The following UTRN variants were observed in gnomAD, a reference collection of about 807,000 sequenced individuals.
UTRN encodes the protein dystrophin-related protein 1.
UTRN carries 283 observed loss-of-function variants against 463.9 expected under a neutral mutation model. That is an observed-to-expected ratio of 0.61 (90% confidence interval 0.55 to 0.67). The LOEUF (loss-of-function observed/expected upper bound fraction) is 0.67. Among genes scored for constraint, UTRN ranks in the 30% least tolerant of loss-of-function variants. The pLI is 0.00. For missense variants in UTRN, 3,922 were observed against 4,084.3 expected (o/e 0.96, Z 1.08); for synonymous variants, 1,442 against 1,431.5 (o/e 1.01, Z -0.17).
rs199717842 is a variant in UTRN at position 144,624,092 on chromosome 6, G to A, written c.7479+46804G>A. On this transcript the variant is annotated intron_variant, in intron 51 of 74. Transcript: ENST00000367545. ...TGGGAAAGAAAGAAAATGACATTGA[G>A]GGCAGAGGGGACAGCTTGATTAGTG... is the stretch of plus-strand genomic sequence containing the variant. Among the ~76,000 whole-genome samples the A allele has an allele frequency of 3.7e-3, 564 of 152,260 alleles. 5 individuals carry two copies. Among genetic ancestry groups the A allele is most frequent in the African/African-American group, 0.013 (542 of 41,536 alleles).
At chr6:144,452,480 TGA>T (rs545510323) in intron 18 of UTRN, among the ~76,000 whole-genome samples, 175 of 152,272 alleles carry the variant, frequency 1.1e-3, no homozygotes, top group Admixed American at 3.5e-3. Context: ...GATGGAGGAA[TGA>T]GAGAAAATTC....
At chr6:144,291,552 T>C (rs1473556585) in intron 1 of UTRN, among the ~76,000 whole-genome samples, 185 bp from the exon 2 acceptor site, 1 of 152,234 alleles carries the variant, frequency 6.6e-6, no homozygotes, top group African/African-American at 2.4e-5. Flanking sequence ...TTGCTTAGTG[T>C]GCATAAGCGC....
At chr6:144,642,360 A>T (rs1777858030) in intron 51 of UTRN, among the ~76,000 whole-genome samples, 1 of 152,018 alleles carries the variant, frequency 6.6e-6, no homozygotes, top group African/African-American at 2.4e-5. Context: ...TGATAATCTG[A>T]TTTCATTGTC....
chr6:144,527,556 G>A (rs1796673465), intron 41 of UTRN, among the ~76,000 whole-genome samples: 2 of 152,284 alleles, frequency 1.3e-5, no homozygotes, highest in Middle Eastern at 3.4e-3. Context: ...AGCAAAGCCG[G>A]GAGGTTTTCC....
intron 65 of UTRN, among the ~76,000 whole-genome samples, chr6:144,815,864 A>T (rs889455952): frequency 6.6e-5 from 10 of 152,236 alleles, no homozygotes; most frequent in Non-Finnish European, 1.5e-5. Context: ...AATCAAGTTG[A>T]CAGTATTAAC....
At chr6:144,765,701 G>C (rs1326027547) in intron 58 of UTRN, among the ~76,000 whole-genome samples, 3 of 152,228 alleles carry the variant, frequency 2.0e-5, no homozygotes, top group Non-Finnish European at 4.4e-5. Context: ...ATGAGCCACT[G>C]TGCCCAGCTT....
At chr6:144,671,705 G>C (rs1180565989) in intron 51 of UTRN, among the ~76,000 whole-genome samples, 1 of 152,102 alleles carries the variant, frequency 6.6e-6, no homozygotes, top group South Asian at 2.1e-4. Flanking sequence ...TTGAATAGAA[G>C]TGATGAAAGT....
intron 61 of UTRN, among the ~76,000 whole-genome samples, chr6:144,782,780 AC>A (rs1775958623): frequency 6.6e-6 from 1 of 152,174 alleles, no homozygotes; most frequent in African/African-American, 2.4e-5. Flanking sequence ...CCTTTTGAAT[AC>A]GACAGTACAT....
At chr6:144,447,564 G>A (rs771517668) in intron 15 of UTRN, 38 bp from the exon 16 acceptor site, 1 of 1,604,392 alleles carries the variant, frequency 6.2e-7, no homozygotes, top group African/African-American at 1.3e-5. Context: ...ACAAAGTCCT[G>A]TTAAAAAGAG....
At chr6:144,548,420 T>C (rs890110409) in intron 46 of UTRN, among the ~76,000 whole-genome samples, 1 of 152,222 alleles carries the variant, frequency 6.6e-6, no homozygotes, top group Admixed American at 6.5e-5. Context: ...GATTATGTTA[T>C]AGAATGTTGC....
At chr6:144,446,342 C>G (rs1425238807) in intron 14 of UTRN, among the ~76,000 whole-genome samples, 1 of 152,138 alleles carries the variant, frequency 6.6e-6, no homozygotes, top group Non-Finnish European at 1.5e-5. Flanking sequence ...ACCAGCCTCA[C>G]TAGACTGAGG....
chr6:144,763,900 G>A (rs773771398), intron 58 of UTRN, among the ~76,000 whole-genome samples: 1 of 152,142 alleles, frequency 6.6e-6, no homozygotes, highest in African/African-American at 2.4e-5. Context: ...CCTCTTTCGT[G>A]AAGATGAGGG....
intron 54 of UTRN, among the ~76,000 whole-genome samples, chr6:144,744,355 T>TAA: frequency 7.0e-6 from 1 of 143,788 alleles, no homozygotes; most frequent in Admixed American, 7.1e-5. Context: ...TGTGTGTGTA[T>TAA]AAAATTTTTA....
chr6:144,821,990 C>T (rs1779646076), intron 66 of UTRN, among the ~76,000 whole-genome samples: 2 of 151,900 alleles, frequency 1.3e-5, no homozygotes, highest in Non-Finnish European at 2.9e-5. Flanking sequence ...AAGTTTTCTA[C>T]TTTATAAAAA....
chr6:144,791,383 A>G (rs772149282), intron 62 of UTRN, among the ~76,000 whole-genome samples: 48 of 152,108 alleles, frequency 3.2e-4, no homozygotes, highest in Non-Finnish European at 5.4e-4. Flanking sequence ...CTTTATGCTT[A>G]TAGCTGGCTA....
At chr6:144,730,578 G>A (rs762328001) in intron 54 of UTRN, 92 bp downstream of exon 54, 3 of 1,334,732 alleles carry the variant, frequency 2.2e-6, no homozygotes, top group Non-Finnish European at 2.9e-6. Flanking sequence ...CAGCATTTTA[G>A]GATCTAATAT....
intron 34 of UTRN, among the ~76,000 whole-genome samples, chr6:144,501,979 A>T (rs985734623): frequency 6.6e-6 from 1 of 152,062 alleles, no homozygotes; most frequent in African/African-American, 2.4e-5. Flanking sequence ...ACCATTTTTT[A>T]TCACCAAATT....
intron 60 of UTRN, among the ~76,000 whole-genome samples, chr6:144,775,113 A>G (rs1037897706): frequency 2.0e-5 from 3 of 152,178 alleles, no homozygotes; most frequent in African/African-American, 7.2e-5. Context: ...AGTTTCAAGT[A>G]TTCTTCTTTG....
intron 2 of UTRN, among the ~76,000 whole-genome samples, chr6:144,343,187 A>G (rs1777277386): frequency 6.6e-6 from 1 of 152,154 alleles, no homozygotes; most frequent in African/African-American, 2.4e-5. Flanking sequence ...TAATAAGTAG[A>G]AGATTTCTAT....
Sources: gnomAD v4.1 joint callset for allele counts (sites outside exome capture counted in the v4.1 genomes callset) on GRCh38, gnomAD v4.1.1 for gene constraint, MANE v1.5 for transcripts, NCBI Gene and HGNC (gene_info 2026-07-23, HGNC 2026-07-21) for gene names.